The following CDH9 variants were observed in gnomAD, a reference collection of about 807,000 sequenced individuals.
CDH9 encodes the protein cadherin 9.
A neutral mutation model predicts 70.9 loss-of-function variants in CDH9; 28 were observed. That is an observed-to-expected ratio of 0.40 (90% CI 0.29 to 0.54). The LOEUF is 0.54. CDH9 is among the 20% of genes least tolerant of loss of function. The pLI is 0.59. For synonymous variants in CDH9, 409 were observed against 343.1 expected, an observed-to-expected ratio of 1.19 and a Z score of -2.12; for missense variants, 874 against 984.4, an observed-to-expected ratio of 0.89 and a Z score of 1.50.
At chr5:26,909,658 C>T (rs568587534) in intron 3 of CDH9, among the ~76,000 whole-genome samples, 30 of 150,356 alleles carry the variant, frequency 2.0e-4, no homozygotes, top group Middle Eastern at 3.4e-3. Flanking sequence ...CTAGTATTCG[C>T]GAGACCATTA....
chr5:26,929,949 C>T (rs1220205029), intron 2 of CDH9, among the ~76,000 whole-genome samples: 1 of 151,462 alleles, frequency 6.6e-6, no homozygotes, highest in Non-Finnish European at 1.5e-5. Flanking sequence ...CAAGGATTGT[C>T]AAAAATAATT....
chr5:26,975,819 A>T (rs1466043154), intron 2 of CDH9, among the ~76,000 whole-genome samples: 1 of 152,196 alleles, frequency 6.6e-6, no homozygotes, highest in Non-Finnish European at 1.5e-5. Flanking sequence ...CTCTGAGGGT[A>T]ATTCCCAGTT....
At chr5:26,994,883 T>C (rs1579501386) in intron 1 of CDH9, among the ~76,000 whole-genome samples, 1 of 152,176 alleles carries the variant, frequency 6.6e-6, no homozygotes, top group South Asian at 2.1e-4. Flanking sequence ...ATCTATCTTA[T>C]CTCGCTCATC....
intron 1 of CDH9, among the ~76,000 whole-genome samples, chr5:27,026,308 T>C (rs1164236419): frequency 6.6e-6 from 1 of 151,958 alleles, no homozygotes; most frequent in African/African-American, 2.4e-5. Flanking sequence ...TAACTAGAGT[T>C]AGAATTCTAT....
chr5:26,953,763 C>T (rs1741893515), intron 2 of CDH9, among the ~76,000 whole-genome samples: 1 of 152,066 alleles, frequency 6.6e-6, no homozygotes, highest in Non-Finnish European at 1.5e-5. Flanking sequence ...TGCAAGCCAC[C>T]ACTGTTGACC....
chr5:26,966,208 G>A (rs1317263878), intron 2 of CDH9, among the ~76,000 whole-genome samples: 3 of 152,016 alleles, frequency 2.0e-5, no homozygotes, highest in East Asian at 3.9e-4. Flanking sequence ...TCTAAATTTG[G>A]GGCAGCTCTG....
At position 26,958,141 on chromosome 5, in the gene CDH9, A is replaced by G. The variant is rs369681308; in HGVS notation, c.228+29965T>C. 5.9e-5 allele frequency among the ~76,000 whole-genome samples: 9 copies of G among 152,306 alleles called. No homozygotes were observed. In the East Asian group the frequency reaches 1.5e-3, roughly 26 times the overall value. The stretch of plus-strand genomic sequence containing the variant: ...CAAAGAATACTTGAGTGAGGAATGG[A>G]AGAGTCTTTATTTTGCTGTTAAGTA... On this transcript the variant is annotated intron_variant, in intron 2 of 11. Coordinates refer to ENST00000231021, the MANE Select transcript of CDH9 (RefSeq NM_016279.4).
At chr5:27,006,565 G>C (rs1039784677) in intron 1 of CDH9, among the ~76,000 whole-genome samples, 8 of 152,096 alleles carry the variant, frequency 5.3e-5, no homozygotes, top group African/African-American at 2.4e-5. Context: ...CTCCCAACCG[G>C]TGTTTCTTCA....
At chr5:26,987,016 G>A (rs1013422539) in intron 2 of CDH9, among the ~76,000 whole-genome samples, 4 of 151,100 alleles carry the variant, frequency 2.6e-5, no homozygotes, top group African/African-American at 9.7e-5. Flanking sequence ...CAAAATTTTG[G>A]CAATTTCACA....
chr5:26,882,294 C>T (rs1740481216), intron 11 of CDH9, among the ~76,000 whole-genome samples: 1 of 152,000 alleles, frequency 6.6e-6, no homozygotes, highest in African/African-American at 2.4e-5. Flanking sequence ...TGCAAAACAC[C>T]TCAGACTGTA....
chr5:26,962,606 G>A (rs567669389), intron 2 of CDH9, among the ~76,000 whole-genome samples: 1 of 152,050 alleles, frequency 6.6e-6, no homozygotes, highest in Non-Finnish European at 1.5e-5. Context: ...TTTGTTGGCT[G>A]CATAAATGTC....
At chr5:26,925,505 T>C (rs1023493158) in intron 2 of CDH9, among the ~76,000 whole-genome samples, 1 of 152,158 alleles carries the variant, frequency 6.6e-6, no homozygotes, top group African/African-American at 2.4e-5. Context: ...AGGTTGCTTG[T>C]TCACTCTCAT....
intron 2 of CDH9, among the ~76,000 whole-genome samples, chr5:26,934,933 G>GAA (rs201260109): frequency 3.1e-4 from 43 of 140,210 alleles, no homozygotes; most frequent in Non-Finnish European, 5.2e-4. Flanking sequence ...TAAAGATACT[G>GAA]AAAAAAAAAA....
chr5:27,036,817 C>T (rs984248402), intron 1 of CDH9, among the ~76,000 whole-genome samples: 1 of 151,840 alleles, frequency 6.6e-6, no homozygotes. Context: ...TATTTATCTA[C>T]TCCTCATTTG....
Position 26,997,386 on chromosome 5 carries a change from A to C in CDH9, c.-49-9004T>G, listed in dbSNP as rs142125438. On this transcript the variant is annotated intron_variant, in intron 1 of 11. Transcript: ENST00000231021. ...TGAATGGAAATCCAGGGAATCAAAA[A>C]TTGTATATGGTCTTCCATTGCAAAG... Among the ~76,000 whole-genome samples the C allele has an allele frequency of 2.1e-4, 32 of 152,258 alleles. No individual in the cohort carries two copies. In the East Asian group the frequency reaches 2.9e-3, roughly 14 times the overall value.
At chr5:27,005,087 T>C (rs10942230) in intron 1 of CDH9, among the ~76,000 whole-genome samples, 68,547 of 151,940 alleles carry the variant, frequency 0.45, 16,251 homozygotes, top group Non-Finnish European at 0.5. Context: ...AAGTGGGTAA[T>C]AGGATGGACA....
intron 2 of CDH9, among the ~76,000 whole-genome samples, chr5:26,944,984 A>G (rs2112039868): frequency 6.6e-6 from 1 of 152,172 alleles, no homozygotes; most frequent in African/African-American, 2.4e-5. Context: ...ATCATCCAGG[A>G]GGGTTGGATG....
At chr5:27,014,440 G>A (rs1743011656) in intron 1 of CDH9, among the ~76,000 whole-genome samples, 1 of 151,846 alleles carries the variant, frequency 6.6e-6, no homozygotes, top group Non-Finnish European at 1.5e-5. Context: ...CTTTGACAGT[G>A]GTAGTTGAGA....
chr5:27,037,672 C>G (rs1353960647), intron 1 of CDH9, among the ~76,000 whole-genome samples: 1 of 151,966 alleles, frequency 6.6e-6, no homozygotes, highest in Non-Finnish European at 1.5e-5. Flanking sequence ...TCCACCAAAT[C>G]AATGCATTTC....
Sources: allele counts gnomAD v4.1 joint callset (sites outside exome capture counted in the v4.1 genomes callset), GRCh38; gene constraint gnomAD v4.1.1; transcripts MANE v1.5; gene names NCBI Gene and HGNC (gene_info 2026-07-23, HGNC 2026-07-21).